PHTF1: variants seen among roughly 807,000 people sequenced by gnomAD.
The protein encoded by PHTF1 is protein PHTF1.
PHTF1 carries 88 observed loss-of-function variants against 102.4 expected under a neutral mutation model. That is an observed-to-expected ratio of 0.86 (90% CI 0.72 to 1.03). PHTF1 has a LOEUF of 1.03. Ranked by LOEUF, PHTF1 falls within the 50% of genes least tolerant of loss-of-function variation. PHTF1 has a pLI of 0.00. For synonymous variants in PHTF1, 289 were observed against 305.2 expected (o/e 0.95, Z 0.55); for missense variants, 814 against 909.5 (o/e 0.89, Z 1.35).
At chr1:113,699,666 C>T (rs1474125565) in intron 17 of PHTF1, 38 bp downstream of exon 17, 2 of 856,276 alleles carry the variant, frequency 2.3e-6, no homozygotes, top group Non-Finnish European at 3.9e-6. Flanking sequence ...TGATTTAACT[C>T]AAATGATAGT....
At chr1:113,755,549 C>T (rs926058760) in intron 3 of PHTF1, among the ~76,000 whole-genome samples, 6 of 152,086 alleles carry the variant, frequency 3.9e-5, no homozygotes, top group Admixed American at 6.6e-5. Context: ...AGGTAGATTA[C>T]CCTATGAGAG....
intron 1 of PHTF1, 95 bp downstream of exon 1, chr1:113,758,928 G>C (rs1265881702): frequency 9.1e-6 from 11 of 1,204,934 alleles, no homozygotes; most frequent in South Asian, 8.5e-5. Flanking sequence ...GCAATATATC[G>C]GGCGAGCGTG....
chr1:113,715,857 T>C (rs190123967), intron 7 of PHTF1, among the ~76,000 whole-genome samples: 5 of 149,778 alleles, frequency 3.3e-5, no homozygotes, highest in East Asian at 2.0e-4. Context: ...AACAGCAGAA[T>C]TGATCAAGCA....
In PHTF1 at chr1:113,727,906, G is replaced by A. The variant is rs550905264; in HGVS notation, c.332-1332C>T. On this transcript the variant is annotated intron_variant, in intron 5 of 18. Coordinates refer to ENST00000369604, the MANE Select transcript of PHTF1 (RefSeq NM_001323043.2). ...GGAGGATCACTTGAGCCCAGAAGTC[G>A]AGGCTGTAGTGAGCCAAGATCACAC... 3.3e-5 allele frequency among the ~76,000 whole-genome samples: 5 copies of A among 152,242 alleles called. No individual in the cohort carries two copies. In the South Asian group the frequency reaches 6.2e-4, roughly 19 times the overall value.
chr1:113,709,839 C>A (rs1571106787), intron 11 of PHTF1, among the ~76,000 whole-genome samples: 1 of 152,012 alleles, frequency 6.6e-6, no homozygotes, highest in South Asian at 2.1e-4. Flanking sequence ...TAATATAAAA[C>A]CTGAAATTAA....
chr1:113,701,827 A>G (rs1037594116), intron 15 of PHTF1, among the ~76,000 whole-genome samples: 4 of 57,110 alleles, frequency 7.0e-5, no homozygotes, highest in African/African-American at 5.3e-4. Context: ...AATTCCTGGT[A>G]AAAAAAAAAA....
intron 7 of PHTF1, among the ~76,000 whole-genome samples, chr1:113,716,344 T>C (rs1330793988): frequency 7.2e-6 from 1 of 138,220 alleles, no homozygotes; most frequent in Non-Finnish European, 1.6e-5. Context: ...ATTTTTCCCT[T>C]TTTTTTTTTT....
At position 113,758,682 on chromosome 1, in the gene PHTF1, C is replaced by T. The variant is rs766585356; in HGVS notation, c.22G>A (p.Ala8Thr). 3 of 1,607,080 alleles carry T rather than the reference C, an allele frequency of 1.9e-6. No individual in the cohort carries two copies. The Admixed American group carries it at 5.0e-5, about 27-fold the overall frequency. MASNERDAISWYQKKIGA... is the reference protein window; with the variant it reads MASNERDTISWYQKKIGA... Reference sequence around the variant, plus strand: ...ACCTTCTTTTGGTACCACGATATAGCATCTCTCTCATTTGAGGCCATCTGT... The same window carrying T: ...ACCTTCTTTTGGTACCACGATATAGTATCTCTCTCATTTGAGGCCATCTGT... The change falls in exon 2 of 19, where the codon GCT becomes ACT. Residue 8 changes from alanine (A) to threonine (T), a missense_variant. By Grantham distance (58) the Ala-to-Thr change is moderately conservative. Coordinates refer to ENST00000369604, the MANE Select transcript of PHTF1 (RefSeq NM_001323043.2).
chr1:113,702,127 C>T (rs751126831), intron 15 of PHTF1, among the ~76,000 whole-genome samples: 1 of 151,896 alleles, frequency 6.6e-6, no homozygotes, highest in Non-Finnish European at 1.5e-5. Flanking sequence ...GACAATAATA[C>T]AAAAGGTGAA....
At chr1:113,726,604 CATT>C in intron 5 of PHTF1, 30 bp from the exon 6 acceptor site, 1 of 1,323,050 alleles carries the variant, frequency 7.6e-7, no homozygotes, top group Non-Finnish European at 1.0e-6. Flanking sequence ...AGATGTAAAA[CATT>C]AGAGCTCTTC....
chr1:113,712,029 A>G lies in PHTF1; in HGVS notation c.868T>C (p.Leu290=). The change falls in exon 9 of 19, where the codon TTG becomes CTG. Residue 290 remains leucine (L), a synonymous_variant. Coordinates refer to ENST00000369604, the MANE Select transcript of PHTF1 (RefSeq NM_001323043.2). The stretch of plus-strand genomic sequence containing the variant: ...GAGGCCCCTTCCACACTCCTACGCA[A>G]TAATATCATCTGTGTCCGTGCTTCA... ...DGEARTQMIL[L]RRSVEGASSD... 1 of 1,613,912 alleles carries G rather than the reference A, an allele frequency of 6.2e-7. No homozygotes were observed. The highest frequency in any genetic ancestry group is 8.5e-7 in the Non-Finnish European group (1 of 1,179,806).
At chr1:113,720,013 A>G (rs1262270832) in intron 7 of PHTF1, among the ~76,000 whole-genome samples, 1 of 152,180 alleles carries the variant, frequency 6.6e-6, no homozygotes, top group Non-Finnish European at 1.5e-5. Context: ...CTTATTCACT[A>G]TCACGAGACT....
chr1:113,719,648 A>G (rs957420058), intron 7 of PHTF1, among the ~76,000 whole-genome samples: 1 of 152,158 alleles, frequency 6.6e-6, no homozygotes, highest in African/African-American at 2.4e-5. Context: ...CATTCAACAA[A>G]TCTCTAGGAG....
At chr1:113,716,648 C>G (rs1180520583) in intron 7 of PHTF1, among the ~76,000 whole-genome samples, 1 of 152,090 alleles carries the variant, frequency 6.6e-6, no homozygotes, top group African/African-American at 2.4e-5. Context: ...CTATGTCCAG[C>G]CGGTCTGACA....
Position 113,706,164 on chromosome 1 carries a change from T to A in PHTF1, c.1399-2A>T. On this transcript the variant is annotated splice_acceptor_variant, in intron 12 of 18. Coordinates refer to ENST00000369604, the MANE Select transcript of PHTF1 (RefSeq NM_001323043.2). LOFTEE classifies it high-confidence loss of function. ...TACTCCTTGCTGATAGGCATTGACC[T>A]GTGAATTAATTTAAAATTTCCACCA... 1 of 1,587,472 alleles carries A rather than the reference T, an allele frequency of 6.3e-7. No individual in the cohort carries two copies. Among genetic ancestry groups the A allele is most frequent in the Non-Finnish European group, 8.6e-7 (1 of 1,168,310 alleles).
chr1:113,741,762 C>T (rs1441950909), intron 3 of PHTF1, among the ~76,000 whole-genome samples: 1 of 152,100 alleles, frequency 6.6e-6, no homozygotes, highest in African/African-American at 2.4e-5. Context: ...AAACACGGCT[C>T]TATCTTCAAA....
chr1:113,711,356 C>G (rs1391298649), intron 10 of PHTF1, among the ~76,000 whole-genome samples: 1 of 152,108 alleles, frequency 6.6e-6, no homozygotes, highest in Non-Finnish European at 1.5e-5. Context: ...TATAATATGC[C>G]CTTTAGCTCT....
rs78450690 is a variant in PHTF1 at position 113,733,521 on chromosome 1, G to C, written c.331+4589C>G. Among the ~76,000 whole-genome samples the C allele has an allele frequency of 2.6e-5, 4 of 152,212 alleles. No homozygotes were observed. The East Asian group carries it at 7.7e-4, about 29-fold the overall frequency. ...TCATATTGAAATCTTAATCCTTAATGTGATCGTATTAGGAGATGGGGCCTT... is the reference window on the plus strand; with the variant it reads ...TCATATTGAAATCTTAATCCTTAATCTGATCGTATTAGGAGATGGGGCCTT... On this transcript the variant is annotated intron_variant, in intron 5 of 18. Transcript: ENST00000369604.
intron 3 of PHTF1, among the ~76,000 whole-genome samples, chr1:113,742,320 A>G (rs1466925954): frequency 6.6e-6 from 1 of 152,160 alleles, no homozygotes; most frequent in African/African-American, 2.4e-5. Flanking sequence ...AAGGTACAGT[A>G]AAAATATGGT....
Sources: gnomAD v4.1 joint callset for allele counts (sites outside exome capture counted in the v4.1 genomes callset) on GRCh38, gnomAD v4.1.1 for gene constraint, MANE v1.5 for transcripts, NCBI Gene and HGNC (gene_info 2026-07-23, HGNC 2026-07-21) for gene names.